MEI4: variants seen among roughly 807,000 people sequenced by gnomAD.
MEI4 encodes meiosis-specific protein MEI4.
A neutral mutation model predicts 31.4 loss-of-function variants in MEI4; 27 were observed. The ratio of observed to expected loss-of-function variants is 0.86; its 90% CI spans 0.63 to 1.19. MEI4 has a LOEUF of 1.19. MEI4 is among the 50% of genes most tolerant of loss of function. MEI4 has a pLI of 0.00. For synonymous variants in MEI4, 122 were observed against 145.4 expected (o/e 0.84, Z 1.16); for missense variants, 329 against 398.9 (o/e 0.82, Z 1.49).
chr6:77,651,542 T>C (rs143102756), upstream of MEI4, among the ~76,000 whole-genome samples: 4 of 152,360 alleles, frequency 2.6e-5, no homozygotes, highest in African/African-American at 9.6e-5. Context: ...TGATCACTTT[T>C]GGGGGACTTG....
chr6:77,774,437 T>C (rs1768389094), intron 3 of MEI4, among the ~76,000 whole-genome samples: 1 of 152,122 alleles, frequency 6.6e-6, no homozygotes, highest in Admixed American at 6.6e-5. Flanking sequence ...CACATGTTCT[T>C]ACTTATTTGT....
chr6:77,733,341 C>T (rs1044446471), intron 2 of MEI4, among the ~76,000 whole-genome samples: 2 of 152,016 alleles, frequency 1.3e-5, no homozygotes, highest in Non-Finnish European at 2.9e-5. Context: ...CAACTTCTTC[C>T]TGGTTTAGTC....
At position 77,707,790 on chromosome 6, in the gene MEI4, A is replaced by G. The variant is rs150304947; in HGVS notation, c.232+16887A>G. 1.4e-3 allele frequency among the ~76,000 whole-genome samples: 212 copies of G among 152,322 alleles called. 1 individual carries two copies. Among genetic ancestry groups the G allele is most frequent in the African/African-American group, 4.5e-3 (186 of 41,588 alleles). ...ACTACAGCTCCACCTGTGGCTCAAA[A>G]GGCCCCAGATACAGCTCAGGCTGCT... is the stretch of plus-strand genomic sequence containing the variant. On this transcript the variant is annotated intron_variant, in intron 2 of 4. Transcript: ENST00000684080.
chr6:77,798,947 A>G (rs1769165616), intron 3 of MEI4, among the ~76,000 whole-genome samples: 1 of 151,938 alleles, frequency 6.6e-6, no homozygotes, highest in African/African-American at 2.4e-5. Context: ...ATGCCGCAAT[A>G]AACATACGTG....
intron 4 of MEI4, among the ~76,000 whole-genome samples, chr6:77,834,287 A>C (rs2127712767): frequency 6.6e-6 from 1 of 151,350 alleles, no homozygotes; most frequent in South Asian, 2.1e-4. Flanking sequence ...AGTTTAAGGT[A>C]TTTCTGTTAA....
At chr6:77,801,083 G>C (rs957883807) in intron 3 of MEI4, among the ~76,000 whole-genome samples, 1 of 152,284 alleles carries the variant, frequency 6.6e-6, no homozygotes, top group African/African-American at 2.4e-5. Flanking sequence ...GCTCCTCCTT[G>C]TACCTCTGGT....
At chr6:77,832,793 T>C (rs1770117392) in intron 4 of MEI4, among the ~76,000 whole-genome samples, 2 of 152,132 alleles carry the variant, frequency 1.3e-5, no homozygotes, top group African/African-American at 4.8e-5. Flanking sequence ...TGTCAGTTAT[T>C]TGTATTTCAC....
chr6:77,850,177 G>A (rs1378076580), intron 4 of MEI4, among the ~76,000 whole-genome samples: 1 of 152,116 alleles, frequency 6.6e-6, no homozygotes, highest in African/African-American at 2.4e-5. Flanking sequence ...CACATCCCTT[G>A]TAAGTTGAAT....
chr6:77,849,134 TAAC>T (rs1425504216), intron 4 of MEI4, among the ~76,000 whole-genome samples: 18 of 152,064 alleles, frequency 1.2e-4, no homozygotes, highest in Middle Eastern at 3.4e-3. Flanking sequence ...CTGTGAAAAA[TAAC>T]AATAATAAAC....
intron 2 of MEI4, among the ~76,000 whole-genome samples, chr6:77,754,123 G>A (rs1383930342): frequency 6.6e-6 from 1 of 152,038 alleles, no homozygotes; most frequent in Non-Finnish European, 1.5e-5. Context: ...TTCTGGGGAG[G>A]GATGGCATTA....
chr6:77,823,983 G>T (rs936534427), intron 3 of MEI4, among the ~76,000 whole-genome samples: 1 of 152,162 alleles, frequency 6.6e-6, no homozygotes, highest in African/African-American at 2.4e-5. Flanking sequence ...AATCTGGCAA[G>T]TGGTTGAACA....
chr6:77,692,467 T>C (rs576020173), intron 2 of MEI4, among the ~76,000 whole-genome samples: 2 of 152,022 alleles, frequency 1.3e-5, no homozygotes, highest in South Asian at 2.1e-4. Flanking sequence ...AAGAGGAACA[T>C]AGAGGATGTT....
At chr6:77,727,590 C>A (rs1023408568) in intron 2 of MEI4, among the ~76,000 whole-genome samples, 1 of 152,166 alleles carries the variant, frequency 6.6e-6, no homozygotes, top group Non-Finnish European at 1.5e-5. Context: ...TTCTTGTCCT[C>A]TGTTTCATAG....
chr6:77,760,260 T>C (rs779100323), intron 2 of MEI4, among the ~76,000 whole-genome samples: 16 of 152,072 alleles, frequency 1.1e-4, no homozygotes, highest in Admixed American at 2.6e-4. Flanking sequence ...ATATATGATA[T>C]ACATATACAG....
At position 77,924,267 on chromosome 6, in the gene MEI4, G is replaced by A. The variant is rs1222592209; in HGVS notation, c.*921G>A. 1 of 151,788 alleles carries A rather than the reference G, an allele frequency of 6.6e-6. No individual in the cohort carries two copies. The highest frequency in any genetic ancestry group is 2.1e-4 in the South Asian group (1 of 4,820). The allele number at this position is 151,788 out of a possible 1,614,324, so 9.4% of individuals were successfully genotyped here. ...TCCTTTATTAATGATATGTGATGGT[G>A]TTTCATAAGTTAATTAGCATTCCTA... On this transcript the variant is annotated 3_prime_UTR_variant, in exon 5 of 5. Coordinates refer to ENST00000684080, the MANE Select transcript of MEI4 (RefSeq NM_001322247.2).
intron 2 of MEI4, among the ~76,000 whole-genome samples, chr6:77,728,113 G>T (rs1415790276): frequency 6.7e-6 from 1 of 150,348 alleles, no homozygotes; most frequent in African/African-American, 2.4e-5. Context: ...TTGTTCAGGT[G>T]TGATATAGTA....
At chr6:77,733,274 G>A (rs1281710349) in intron 2 of MEI4, among the ~76,000 whole-genome samples, 1 of 151,956 alleles carries the variant, frequency 6.6e-6, no homozygotes, top group Non-Finnish European at 1.5e-5. Flanking sequence ...TTTTTGGTTG[G>A]TAAGCTATTG....
intron 2 of MEI4, among the ~76,000 whole-genome samples, chr6:77,737,282 A>G (rs931724855): frequency 6.6e-6 from 1 of 152,318 alleles, no homozygotes; most frequent in East Asian, 1.9e-4. Flanking sequence ...AGTGTTTAGA[A>G]TTGTTTGGGA....
chr6:77,870,531 T>C (rs1421868886), intron 4 of MEI4, among the ~76,000 whole-genome samples: 1 of 152,214 alleles, frequency 6.6e-6, no homozygotes, highest in Non-Finnish European at 1.5e-5. Flanking sequence ...CAAACTCTAG[T>C]TAAATGGATA....
Sources: gnomAD v4.1 joint callset for allele counts (sites outside exome capture counted in the v4.1 genomes callset) on GRCh38, gnomAD v4.1.1 for gene constraint, MANE v1.5 for transcripts, NCBI Gene and HGNC (gene_info 2026-07-23, HGNC 2026-07-21) for gene names.